Variants in RANBP17 observed in about 807,000 individuals in gnomAD.
The protein encoded by RANBP17 is ran-binding protein 17.
A neutral mutation model predicts 141.2 loss-of-function variants in RANBP17; 158 were observed. That is an observed-to-expected ratio of 1.12 (90% confidence interval 0.98 to 1.28). The LOEUF (loss-of-function observed/expected upper bound fraction) is 1.28, where lower values mean the gene tolerates loss of function less well. Ranked by LOEUF, RANBP17 falls within the 50% of genes most tolerant of loss-of-function variation. RANBP17 has a pLI of 0.00. For missense variants in RANBP17, 1,438 were observed against 1,290.7 expected, an observed-to-expected ratio of 1.11 and a Z score of -1.75; for synonymous variants, 430 against 450.0, an observed-to-expected ratio of 0.96 and a Z score of 0.56.
At chr5:171,053,235 T>C (rs895205615) in intron 14 of RANBP17, among the ~76,000 whole-genome samples, 1 of 152,152 alleles carries the variant, frequency 6.6e-6, no homozygotes, top group Non-Finnish European at 1.5e-5. Context: ...GTTCAGGTAG[T>C]ACATGTGCAG....
At chr5:171,074,224 C>A (rs1243348845) in intron 14 of RANBP17, among the ~76,000 whole-genome samples, 1 of 152,048 alleles carries the variant, frequency 6.6e-6, no homozygotes, top group South Asian at 2.1e-4. Flanking sequence ...ACAATCCCAG[C>A]CTGATCATGA....
At chr5:170,871,481 T>C (rs1364441103) in intron 1 of RANBP17, among the ~76,000 whole-genome samples, 1 of 152,224 alleles carries the variant, frequency 6.6e-6, no homozygotes, top group Non-Finnish European at 1.5e-5. Context: ...AGATTGCCTG[T>C]TCCCTCTGAT....
At chr5:171,211,709 A>T (rs1762904992) in intron 20 of RANBP17, among the ~76,000 whole-genome samples, 1 of 149,944 alleles carries the variant, frequency 6.7e-6, no homozygotes, top group Admixed American at 6.7e-5. Flanking sequence ...TTCAGAAAAT[A>T]GTTGATAAGA....
At chr5:171,277,637 G>GTGTATATATATA (rs1437482589) in intron 25 of RANBP17, among the ~76,000 whole-genome samples, 4,544 of 56,818 alleles carry the variant, frequency 0.08, 892 homozygotes, top group South Asian at 0.14. Flanking sequence ...ATATATGTAT[G>GTGTATATATATA]TATATATATA....
At chr5:171,254,174 G>A (rs1396745449) in intron 24 of RANBP17, among the ~76,000 whole-genome samples, 3 of 151,802 alleles carry the variant, frequency 2.0e-5, no homozygotes, top group South Asian at 4.2e-4. Flanking sequence ...TGGAACCTGG[G>A]GGGCGGAGGT....
intron 10 of RANBP17, 56 bp from the exon 11 acceptor site, chr5:170,919,383 AAT>A: frequency 8.6e-7 from 1 of 1,162,756 alleles, no homozygotes; most frequent in Non-Finnish European, 1.2e-6. Flanking sequence ...TTTATTCTGT[AAT>A]TCTTATTGTA....
intron 19 of RANBP17, among the ~76,000 whole-genome samples, chr5:171,204,801 T>A (rs1403184059): frequency 6.6e-6 from 1 of 152,212 alleles, no homozygotes; most frequent in Admixed American, 6.5e-5. Context: ...CAAGCTCTGC[T>A]AGGCATTTTC....
intron 14 of RANBP17, among the ~76,000 whole-genome samples, chr5:171,025,889 A>G (rs540944945): frequency 3.3e-5 from 5 of 152,204 alleles, no homozygotes; most frequent in African/African-American, 9.6e-5. Context: ...TGCCCAGCCT[A>G]TCCTTAGTCT....
intron 12 of RANBP17, among the ~76,000 whole-genome samples, chr5:170,937,867 A>G (rs1429066388): frequency 6.6e-6 from 1 of 152,210 alleles, no homozygotes; most frequent in African/African-American, 2.4e-5. Context: ...AGCACAGACA[A>G]TTAGTGTTTG....
At chr5:171,050,689 A>T (rs1019398806) in intron 14 of RANBP17, among the ~76,000 whole-genome samples, 2 of 136,302 alleles carry the variant, frequency 1.5e-5, no homozygotes, top group African/African-American at 6.5e-5. Context: ...ACCCTATCTT[A>T]AAAAAAAAAT....
intron 14 of RANBP17, among the ~76,000 whole-genome samples, chr5:171,030,957 T>C (rs1335717320): frequency 6.6e-6 from 1 of 152,084 alleles, no homozygotes; most frequent in Non-Finnish European, 1.5e-5. Context: ...TTCCTACTTT[T>C]ATCCTTCTTG....
At position 170,929,811 on chromosome 5, in the gene RANBP17, G is replaced by C. The variant is rs187097865; in HGVS notation, c.1468+5261G>C. ...TATTATTTCTTCTTTAAGAGGGATAGAATTCGTCTGTGAAGCCAGCGGGCC... is the reference window on the plus strand; with the variant it reads ...TATTATTTCTTCTTTAAGAGGGATACAATTCGTCTGTGAAGCCAGCGGGCC... On this transcript the variant is annotated intron_variant, in intron 12 of 27. Transcript: ENST00000523189. Among the ~76,000 whole-genome samples, 6 of 152,234 alleles carry C rather than the reference G, an allele frequency of 3.9e-5. No homozygotes were observed. The East Asian group carries it at 1.2e-3, about 29-fold the overall frequency.
chr5:171,279,412 C>T (rs1203007488), intron 25 of RANBP17, among the ~76,000 whole-genome samples: 2 of 152,252 alleles, frequency 1.3e-5, no homozygotes, highest in Non-Finnish European at 2.9e-5. Context: ...GGCCTTCTTG[C>T]TGTGTCATCT....
Position 171,296,031 on chromosome 5 carries a change from AGTG to A in RANBP17, c.3170+18_3170+20del, listed in dbSNP as rs1409941676. 5 of 1,609,060 alleles carry A rather than the reference AGTG, an allele frequency of 3.1e-6. No individual in the cohort carries two copies. The East Asian group carries it at 1.1e-4, about 36-fold the overall frequency. Reference sequence around the variant, plus strand: ...CAGAGACAGGTGAGCATTGCCCAGTAGTGTGTCACTGGGGGAAGTAGACATTCC... The same window carrying A: ...CAGAGACAGGTGAGCATTGCCCAGTATGTCACTGGGGGAAGTAGACATTCC... On this transcript the variant is annotated intron_variant, in intron 27 of 27. Transcript: ENST00000523189.
At chr5:171,193,494 T>G (rs1477468307) in intron 18 of RANBP17, among the ~76,000 whole-genome samples, 1 of 152,224 alleles carries the variant, frequency 6.6e-6, no homozygotes, top group African/African-American at 2.4e-5. Flanking sequence ...ATTGGTTTTC[T>G]GTTATTATTG....
intron 1 of RANBP17, among the ~76,000 whole-genome samples, chr5:170,874,592 T>C (rs1561844926): frequency 6.6e-6 from 1 of 152,156 alleles, no homozygotes; most frequent in Non-Finnish European, 1.5e-5. Flanking sequence ...CCCTTCTTTG[T>C]CTTTTTTGAT....
intron 14 of RANBP17, among the ~76,000 whole-genome samples, chr5:171,017,879 G>T (rs1426559225): frequency 6.6e-6 from 1 of 152,060 alleles, no homozygotes; most frequent in Non-Finnish European, 1.5e-5. Context: ...GGGGTTTTAT[G>T]GTTCTGGTTT....
At chr5:170,893,479 T>C (rs1769826499) in intron 4 of RANBP17, among the ~76,000 whole-genome samples, 1 of 152,152 alleles carries the variant, frequency 6.6e-6, no homozygotes, top group South Asian at 2.1e-4. Context: ...GAGAACTATT[T>C]TATCTGATGT....
chr5:170,984,535 A>C (rs1275921041), intron 14 of RANBP17, among the ~76,000 whole-genome samples: 3 of 152,062 alleles, frequency 2.0e-5, no homozygotes, highest in African/African-American at 7.2e-5. Context: ...GGTGAAATGG[A>C]AGATCACTTG....
Sources: allele counts gnomAD v4.1 joint callset (sites outside exome capture counted in the v4.1 genomes callset), GRCh38; gene constraint gnomAD v4.1.1; transcripts MANE v1.5; gene names NCBI Gene and HGNC (gene_info 2026-07-23, HGNC 2026-07-21).